The following CYTH1 variants were observed in gnomAD, a reference collection of about 807,000 sequenced individuals.
CYTH1 encodes the protein cytohesin 1.
A neutral mutation model predicts 61.8 loss-of-function variants in CYTH1; 18 were observed. The observed-to-expected ratio is 0.29, with a 90% CI of 0.20 to 0.43. The LOEUF is 0.43. CYTH1 is among the 20% of genes least tolerant of loss of function. The pLI, the probability that CYTH1 is intolerant of heterozygous loss-of-function variation, is 1.00. For synonymous variants in CYTH1, 174 were observed against 184.3 expected, an observed-to-expected ratio of 0.94 and a Z score of 0.45; for missense variants, 336 against 510.5, an observed-to-expected ratio of 0.66 and a Z score of 3.29.
chr17:78,675,922 C>A lies in CYTH1; in HGVS notation c.*169G>T. Reference sequence around the variant, plus strand: ...GTCCTCTCTTCCCCAGTGATAACTGCCCACCCTTCTCCCACTTAAAAAAAA... The same window carrying A: ...GTCCTCTCTTCCCCAGTGATAACTGACCACCCTTCTCCCACTTAAAAAAAA... On this transcript the variant is annotated 3_prime_UTR_variant, in exon 14 of 14. Coordinates refer to ENST00000446868, the MANE Select transcript of CYTH1 (RefSeq NM_004762.6). 1.3e-6 allele frequency: 2 copies of A among 1,542,594 alleles called. No individual in the cohort carries two copies. The highest frequency in any genetic ancestry group is 2.0e-5 in the Admixed American group (1 of 49,732).
chr17:78,731,400 C>T (rs1214257175), intron 1 of CYTH1, among the ~76,000 whole-genome samples: 9 of 152,162 alleles, frequency 5.9e-5, no homozygotes, highest in Admixed American at 5.9e-4. Context: ...ATGAATTCCC[C>T]ACAAGTTAAA....
At chr17:78,678,162 T>A (rs528643336) in intron 13 of CYTH1, 2 of 152,384 alleles carry the variant, frequency 1.3e-5, no homozygotes, top group African/African-American at 2.4e-5. Flanking sequence ...CTCACGCTCA[T>A]GAAAGGATTG....
chr17:78,713,211 G>GTT, intron 1 of CYTH1, among the ~76,000 whole-genome samples: 2 of 152,054 alleles, frequency 1.3e-5, no homozygotes, highest in Non-Finnish European at 2.9e-5. Context: ...CCGTTCTACA[G>GTT]AAACGCATGT....
At chr17:78,762,612 G>A (rs889553737) in intron 1 of CYTH1, among the ~76,000 whole-genome samples, 2 of 152,158 alleles carry the variant, frequency 1.3e-5, no homozygotes, top group Admixed American at 1.3e-4. Flanking sequence ...GATTGCAGAT[G>A]GAATTACATC....
intron 1 of CYTH1, among the ~76,000 whole-genome samples, chr17:78,758,038 G>A (rs938467531): frequency 1.3e-5 from 2 of 152,140 alleles, no homozygotes; most frequent in African/African-American, 2.4e-5. Context: ...AACCCATTTG[G>A]CAGTACATAT....
At chr17:78,684,687 G>A (rs2144071485) in intron 11 of CYTH1, among the ~76,000 whole-genome samples, 1 of 152,338 alleles carries the variant, frequency 6.6e-6, no homozygotes, top group South Asian at 2.1e-4. Flanking sequence ...TATTTTGTGT[G>A]TGTGCAGAGA....
intron 11 of CYTH1, among the ~76,000 whole-genome samples, chr17:78,690,325 C>T (rs942172463): frequency 1.5e-5 from 2 of 131,888 alleles, no homozygotes; most frequent in Admixed American, 8.7e-5. Context: ...GCCCGGGAGG[C>T]GGAGCTTGCA....
chr17:78,781,158 G>C (rs2093515762), intron 1 of CYTH1, among the ~76,000 whole-genome samples: 2 of 149,292 alleles, frequency 1.3e-5, no homozygotes, highest in Admixed American at 1.3e-4. Flanking sequence ...GACAGAGCGA[G>C]ATCTCGTCTC....
At chr17:78,729,562 C>A (rs984580361) in intron 1 of CYTH1, among the ~76,000 whole-genome samples, 1 of 152,154 alleles carries the variant, frequency 6.6e-6, no homozygotes, top group Non-Finnish European at 1.5e-5. Context: ...CTGGTACAAC[C>A]TTTTGGCACT....
chr17:78,761,625 C>A (rs1000339310), intron 1 of CYTH1, among the ~76,000 whole-genome samples: 6 of 152,076 alleles, frequency 3.9e-5, no homozygotes, highest in African/African-American at 1.4e-4. Flanking sequence ...GTAGTCCCAG[C>A]TACTTGGGAG....
At chr17:78,740,811 CAT>C (rs1371472214) in intron 1 of CYTH1, among the ~76,000 whole-genome samples, 1 of 152,180 alleles carries the variant, frequency 6.6e-6, no homozygotes, top group Non-Finnish European at 1.5e-5. Flanking sequence ...GAAACTAAAA[CAT>C]ATAATAACCC....
intron 11 of CYTH1, among the ~76,000 whole-genome samples, chr17:78,685,783 G>C (rs78018662): frequency 6.6e-6 from 1 of 151,984 alleles, no homozygotes; most frequent in Non-Finnish European, 1.5e-5. Context: ...AGGAGAGTGC[G>C]GCCAGCTGTG....
Position 78,701,665 on chromosome 17 carries a change from A to G in CYTH1, c.437+6T>C. On this transcript the variant is annotated splice_donor_region_variant and intron_variant, in intron 6 of 13. Transcript: ENST00000446868. ...TTCCAAAGGGGCTCACCTCAAGAAT[A>G]CTCACCGTAGTGCCTGGACGAGATT... 6.2e-7 allele frequency: 1 copy of G among 1,614,110 alleles called. No homozygotes were observed. Among genetic ancestry groups the G allele is most frequent in the Non-Finnish European group, 8.5e-7 (1 of 1,179,990 alleles).
In CYTH1 at chr17:78,685,082, C is replaced by T. The variant is rs369703259; in HGVS notation, c.892-4040G>A. On this transcript the variant is annotated intron_variant, in intron 11 of 13. Coordinates refer to ENST00000446868, the MANE Select transcript of CYTH1 (RefSeq NM_004762.6). ...CATGTGGTGGCACGTGCCTGTAATC[C>T]CAGCTACTCAGGAGGATGAGGCAGG... is the stretch of plus-strand genomic sequence containing the variant. 2.6e-4 allele frequency among the ~76,000 whole-genome samples: 40 copies of T among 151,916 alleles called. No individual in the cohort carries two copies. In the South Asian group the frequency reaches 7.7e-3, roughly 29 times the overall value.
At chr17:78,689,770 T>C (rs2144137956) in intron 11 of CYTH1, among the ~76,000 whole-genome samples, 1 of 152,304 alleles carries the variant, frequency 6.6e-6, no homozygotes, top group East Asian at 1.9e-4. Context: ...TTTTCACTTT[T>C]CCCATTTCAC....
chr17:78,699,013 T>A (rs1348023210), intron 7 of CYTH1, 45 bp from the exon 8 acceptor site: 2 of 1,596,320 alleles, frequency 1.3e-6, no homozygotes, highest in East Asian at 4.5e-5. Context: ...CATGCTCAGA[T>A]GTTCAGAAAC....
chr17:78,727,015 A>T (rs1446493049), intron 1 of CYTH1, among the ~76,000 whole-genome samples: 1 of 152,224 alleles, frequency 6.6e-6, no homozygotes, highest in Admixed American at 6.5e-5. Flanking sequence ...GACAGGTGCA[A>T]CCAGAAAGTG....
intron 3 of CYTH1, among the ~76,000 whole-genome samples, chr17:78,703,209 C>T (rs1041559818): frequency 6.6e-6 from 1 of 151,508 alleles, no homozygotes; most frequent in Non-Finnish European, 1.5e-5. Context: ...GTCAGGAGTT[C>T]AAGACCAGCC....
intron 13 of CYTH1, among the ~76,000 whole-genome samples, chr17:78,679,641 G>A (rs574484492): frequency 1.3e-5 from 2 of 152,320 alleles, no homozygotes; most frequent in South Asian, 4.1e-4. Flanking sequence ...CAACAGAGCC[G>A]AGAGGTAGGA....
Sources: allele counts gnomAD v4.1 joint callset (sites outside exome capture counted in the v4.1 genomes callset), GRCh38; gene constraint gnomAD v4.1.1; transcripts MANE v1.5; gene names NCBI Gene and HGNC (gene_info 2026-07-23, HGNC 2026-07-21).